EIF3A: variants seen among roughly 807,000 people sequenced by gnomAD.
EIF3A encodes the protein EIF3, p180 subunit.
A neutral mutation model predicts 186.6 loss-of-function variants in EIF3A; 21 were observed. The observed-to-expected ratio is 0.11, with a 90% CI of 0.08 to 0.16. The LOEUF (loss-of-function observed/expected upper bound fraction) is 0.16. EIF3A is among the 10% of genes least tolerant of loss of function. EIF3A has a pLI of 1.00. For missense variants in EIF3A, 1,306 were observed against 1,796.3 expected (o/e 0.73, Z 4.93); for synonymous variants, 563 against 584.3 (o/e 0.96, Z 0.52).
At chr10:119,075,086 T>C (rs984212098) in intron 1 of EIF3A, among the ~76,000 whole-genome samples, 3 of 149,356 alleles carry the variant, frequency 2.0e-5, no homozygotes, top group African/African-American at 7.4e-5. Context: ...CTCAGCCTCC[T>C]GAGTAGCTGG....
At chr10:119,045,304 G>A (rs757199747) in intron 17 of EIF3A, among the ~76,000 whole-genome samples, 11 of 152,162 alleles carry the variant, frequency 7.2e-5, no homozygotes, top group Non-Finnish European at 1.3e-4. Context: ...AACAACTAGA[G>A]ATGAGAAGCA....
chr10:119,037,068 C>T (rs60040030), intron 21 of EIF3A, 51 bp downstream of exon 21: 12 of 867,590 alleles, frequency 1.4e-5, no homozygotes, highest in Admixed American at 1.2e-4. Context: ...AATCCCCCCC[C>T]CCCCAGAAAC....
At chr10:119,062,165 T>A (rs1383530498) in intron 7 of EIF3A, among the ~76,000 whole-genome samples, 1 of 151,990 alleles carries the variant, frequency 6.6e-6, no homozygotes, top group East Asian at 1.9e-4. Context: ...GGTATATGCA[T>A]ACAAATAAAA....
Position 119,050,546 on chromosome 10 carries a change from T to C in EIF3A, c.2448A>G (p.Arg816=). The C allele has an allele frequency of 6.2e-7, 1 of 1,614,146 alleles. No individual in the cohort carries two copies. Among genetic ancestry groups the C allele is most frequent in the Non-Finnish European group, 8.5e-7 (1 of 1,180,020 alleles). Residue 816 remains arginine, a synonymous_variant, in exon 16 of 22, where the codon AGA becomes AGG. Transcript: ENST00000369144. ...YYREKEEEEQ[R]RAEEQMLKER... Reference sequence around the variant, plus strand: ...CTTTTAGCATTTGTTCTTCTGCCCTTCTCTGCTCCTCCTCTTCTTTTTCTC... The same window carrying C: ...CTTTTAGCATTTGTTCTTCTGCCCTCCTCTGCTCCTCCTCTTCTTTTTCTC...
chr10:119,051,420 A>G, intron 14 of EIF3A, 99 bp from the exon 15 acceptor site: 11 of 1,192,824 alleles, frequency 9.2e-6, no homozygotes, highest in Middle Eastern at 2.5e-4. Flanking sequence ...AAGCTGCTCC[A>G]CTGCCCCTTC....
chr10:119,050,529 A>G lies in EIF3A; in HGVS notation c.2465T>C (p.Met822Thr). The part of the protein sequence containing the change: ...EEEQRRAEEQ[M>T]LKEREERERA... ...CTGTTTGACCTGTGTACCTTTTAGC[A>G]TTTGTTCTTCTGCCCTTCTCTGCTC... is the stretch of plus-strand genomic sequence containing the variant. Residue 822 changes from methionine to threonine, a missense_variant, in exon 16 of 22, where the codon ATG (methionine) becomes ACG (threonine). Coordinates refer to ENST00000369144, the MANE Select transcript of EIF3A (RefSeq NM_003750.4). 6.2e-7 allele frequency: 1 copy of G among 1,613,920 alleles called. No individual in the cohort carries two copies. Among genetic ancestry groups the G allele is most frequent in the Non-Finnish European group, 8.5e-7 (1 of 1,179,934 alleles).
chr10:119,037,198 C>CCGGTCATCCCTCTCACGGCGA lies in EIF3A; in HGVS notation c.3819_3839dup (p.Arg1275_Arg1281dup), dbSNP rs760171339. On this transcript the variant is annotated inframe_insertion, in exon 21 of 22. Coordinates refer to ENST00000369144, the MANE Select transcript of EIF3A (RefSeq NM_003750.4). ...GATCTCGTCTTTCTCTTAGATCACG[C>CCGGTCATCCCTCTCACGGCGA]CGGTCATCCCTCTCACGGCGACGGT... 3 of 1,614,024 alleles carry CCGGTCATCCCTCTCACGGCGA rather than the reference C, an allele frequency of 1.9e-6. No individual in the cohort carries two copies. The highest frequency in any genetic ancestry group is 1.1e-5 in the South Asian group (1 of 91,080).
rs370630701 is a variant in EIF3A at position 119,042,218 on chromosome 10, C to T, written c.3302G>A (p.Arg1101Gln). Residue 1101 changes from arginine (R) to glutamine (Q), a missense_variant, in exon 19 of 22, where the codon CGA becomes CAA. Physicochemically the swap from Arg to Gln is conservative, Grantham distance 43 (BLOSUM62 1). Transcript: ENST00000369144. The surrounding 1 kb of genome is among the most constrained non-coding windows in gnomAD (Gnocchi z 7.8). ...RGMDDDRGPR[R>Q]GMDDDRGPRR... ...GGGACCCCGGTCATCATCCATGCCT[C>T]GCCTGGGACCCCGGTCATCATCCAT... is the stretch of plus-strand genomic sequence containing the variant. 1.1e-5 allele frequency: 18 copies of T among 1,613,664 alleles called. No individual in the cohort carries two copies. Among genetic ancestry groups the T allele is most frequent in the East Asian group, 6.7e-5 (3 of 44,812 alleles).
chr10:119,053,647 G>A (rs759887358), intron 14 of EIF3A, among the ~76,000 whole-genome samples: 1 of 152,050 alleles, frequency 6.6e-6, no homozygotes, highest in African/African-American at 2.4e-5. Context: ...TTGAGCCCAG[G>A]GGGTAGATAC....
chr10:119,080,029 G>A (rs533385055), intron 1 of EIF3A, among the ~76,000 whole-genome samples: 1 of 152,240 alleles, frequency 6.6e-6, no homozygotes, highest in Admixed American at 6.5e-5. Context: ...CAGGTTAAAT[G>A]GGTCAGAGGC....
chr10:119,044,654 C>CT (rs1848258085), intron 17 of EIF3A, among the ~76,000 whole-genome samples: 1 of 152,168 alleles, frequency 6.6e-6, no homozygotes, highest in East Asian at 1.9e-4. Context: ...CAAGACCATC[C>CT]TGGCTAACAC....
At chr10:119,063,838 T>A (rs972822074) in intron 7 of EIF3A, among the ~76,000 whole-genome samples, 2 of 152,184 alleles carry the variant, frequency 1.3e-5, no homozygotes, top group African/African-American at 4.8e-5. Context: ...ATCCCAGCAC[T>A]TAGGGAAGCC....
chr10:119,048,053 G>A (rs753458970), intron 17 of EIF3A, among the ~76,000 whole-genome samples: 4 of 152,162 alleles, frequency 2.6e-5, no homozygotes, highest in Non-Finnish European at 5.9e-5. Context: ...CTACAGCACA[G>A]GTGACTAAGA....
intron 14 of EIF3A, 67 bp downstream of exon 14, chr10:119,056,673 T>C (rs1377946735): frequency 1.6e-5 from 16 of 1,030,738 alleles, no homozygotes; most frequent in Non-Finnish European, 2.2e-5. Context: ...TTCTGAATCC[T>C]TGGTTCCATT....
rs10886375 is a variant in EIF3A, at chr10:119,057,938, A to G, written c.1977+18T>C. 0.95 allele frequency: 1,505,297 copies of G among 1,588,582 alleles called. 719,635 individuals are homozygous for G. The highest frequency in any genetic ancestry group is 0.97 in the Non-Finnish European group (1,131,978 of 1,165,804). On this transcript the variant is annotated intron_variant, in intron 12 of 21. Transcript: ENST00000369144. ...ACCTGGATAAAACTAATTTTTTAAT[A>G]ACTAAGATGCTACGTACTTCAATAT...
chr10:119,051,154 T>C, intron 15 of EIF3A, 45 bp downstream of exon 15: 1 of 1,562,544 alleles, frequency 6.4e-7, no homozygotes, highest in Non-Finnish European at 8.6e-7. Context: ...AGGCCAATAC[T>C]AGAAAGCTCA....
chr10:119,065,600 G>C, intron 6 of EIF3A, 30 bp from the exon 7 acceptor site: 1 of 1,516,316 alleles, frequency 6.6e-7, no homozygotes, highest in Non-Finnish European at 9.1e-7. Flanking sequence ...AAATCTGTTA[G>C]GTTTGTAAAT....
intron 20 of EIF3A, among the ~76,000 whole-genome samples, chr10:119,037,608 GACT>G (rs1848150813): frequency 1.3e-5 from 2 of 152,126 alleles, no homozygotes; most frequent in South Asian, 4.1e-4. Flanking sequence ...TGTGACTGCT[GACT>G]ACCATACTGG....
At chr10:119,054,302 C>T (rs1848395428) in intron 14 of EIF3A, among the ~76,000 whole-genome samples, 1 of 152,178 alleles carries the variant, frequency 6.6e-6, no homozygotes, top group South Asian at 2.1e-4. Flanking sequence ...CAGGCTTTGG[C>T]TAAAGGGAAT....
Sources: allele counts gnomAD v4.1 joint callset (sites outside exome capture counted in the v4.1 genomes callset), GRCh38; gene constraint gnomAD v4.1.1; non-coding constraint Gnocchi (gnomAD v3.1); transcripts MANE v1.5; gene names NCBI Gene and HGNC (gene_info 2026-07-23, HGNC 2026-07-21).